POSTN: variants seen among roughly 807,000 people sequenced by gnomAD.
The protein encoded by POSTN is periostin.
Under a neutral mutation model 104.5 loss-of-function variants are expected in POSTN, and 71 were observed. The observed-to-expected ratio is 0.68, with a 90% CI of 0.56 to 0.83. The LOEUF (loss-of-function observed/expected upper bound fraction) is 0.83, where lower values mean the gene tolerates loss of function less well. POSTN is among the 40% of genes least tolerant of loss of function. The pLI is 0.00. For missense variants in POSTN, 949 were observed against 1,006.8 expected (o/e 0.94, Z 0.78); for synonymous variants, 355 against 340.7 (o/e 1.04, Z -0.46).
intron 21 of POSTN, among the ~76,000 whole-genome samples, chr13:37,568,452 A>T (rs1950175054): frequency 6.6e-6 from 1 of 152,108 alleles, no homozygotes; most frequent in Non-Finnish European, 1.5e-5. Flanking sequence ...TTGGATAAAC[A>T]TCAAACTTCA....
intron 11 of POSTN, 125 bp from the exon 12 acceptor site, chr13:37,580,116 A>G (rs1318131279): frequency 1.1e-6 from 1 of 877,934 alleles, no homozygotes; most frequent in Non-Finnish European, 1.7e-6. Flanking sequence ...ATACATTTTC[A>G]TATGTTTCGA....
At chr13:37,564,214 A>G (rs1593301053) in intron 22 of POSTN, among the ~76,000 whole-genome samples, 1 of 131,442 alleles carries the variant, frequency 7.6e-6, no homozygotes, top group Non-Finnish European at 1.6e-5. Context: ...ATATATATAT[A>G]TATATATATA....
rs202098967 is a variant in POSTN, at chr13:37,571,368, C to A, written c.2179+1G>T. 3.2e-5 allele frequency: 51 copies of A among 1,591,838 alleles called. No individual in the cohort carries two copies. The stretch of plus-strand genomic sequence containing the variant: ...GGCCCCAGGTAACATAAGGAACGCA[C>A]CTCCATGGATCACTTCAGTTATTGT... On this transcript the variant is annotated splice_donor_variant, in intron 18 of 22. Transcript: ENST00000379747. LOFTEE classifies it high-confidence loss of function.
At chr13:37,592,069 C>A in intron 3 of POSTN, 31 bp downstream of exon 3, 1 of 1,502,530 alleles carries the variant, frequency 6.7e-7, no homozygotes, top group South Asian at 1.1e-5. Flanking sequence ...GCATATAATT[C>A]CTTATTTAAT....
chr13:37,590,052 A>G (rs906056606), intron 4 of POSTN, among the ~76,000 whole-genome samples: 1 of 152,160 alleles, frequency 6.6e-6, no homozygotes, highest in Admixed American at 6.5e-5. Flanking sequence ...TCTGTTAGAC[A>G]TGTTATCTGA....
intron 9 of POSTN, among the ~76,000 whole-genome samples, chr13:37,583,302 A>G (rs1950652381): frequency 6.6e-6 from 1 of 152,132 alleles, no homozygotes; most frequent in East Asian, 1.9e-4. Flanking sequence ...TGCAAAACAC[A>G]CCTATTTATT....
chr13:37,574,733 T>A, intron 16 of POSTN, 81 bp from the exon 17 acceptor site: 1 of 1,451,134 alleles, frequency 6.9e-7, no homozygotes, highest in Non-Finnish European at 9.0e-7. Context: ...CCTTTTCTTT[T>A]TTGTCTCTGT....
At chr13:37,569,608 T>G (rs1191926196) in intron 20 of POSTN, 136 bp downstream of exon 20, 1 of 855,396 alleles carries the variant, frequency 1.2e-6, no homozygotes, top group Admixed American at 1.9e-5. Context: ...AATTCCTTAT[T>G]CTTGTGCTTT....
chr13:37,578,889 T>C lies in POSTN; in HGVS notation c.1917A>G (p.Gln639=), dbSNP rs1950496730. The C allele has an allele frequency of 6.3e-7, 1 of 1,596,160 alleles. No individual in the cohort carries two copies. The highest frequency in any genetic ancestry group is 8.5e-7 in the Non-Finnish European group (1 of 1,175,230). Residue 639 remains glutamine (Q), a synonymous_variant, in exon 15 of 23, where the codon CAA becomes CAG. Coordinates refer to ENST00000379747, the MANE Select transcript of POSTN (RefSeq NM_006475.3). ...TTAATTTATTAAGTATTTCCAGCAG[T>C]TGATCATTTCCAACAGGTGTGTCTA... is the stretch of plus-strand genomic sequence containing the variant. The part of the protein sequence containing the change: ...YPADTPVGND[Q]LLEILNKLIK...
At chr13:37,586,324 C>G in intron 6 of POSTN, 44 bp from the exon 7 acceptor site, 1 of 1,571,394 alleles carries the variant, frequency 6.4e-7, no homozygotes, top group Admixed American at 1.8e-5. Context: ...CATTGTAAAT[C>G]CAGAAAAAGA....
intron 21 of POSTN, chr13:37,565,332 G>C (rs1259433063): frequency 6.6e-6 from 1 of 151,770 alleles, no homozygotes; most frequent in African/African-American, 2.4e-5. Flanking sequence ...TTTTCATTCA[G>C]TTTTTGGGCA....
chr13:37,587,359 T>G (rs929816354), intron 5 of POSTN, among the ~76,000 whole-genome samples: 1 of 152,130 alleles, frequency 6.6e-6, no homozygotes, highest in Non-Finnish European at 1.5e-5. Flanking sequence ...TTCCTAAAAA[T>G]TGTTTCTTCA....
At chr13:37,595,012 G>GT (rs1261386093) in intron 2 of POSTN, among the ~76,000 whole-genome samples, 2 of 143,494 alleles carry the variant, frequency 1.4e-5, no homozygotes, top group African/African-American at 2.6e-5. Context: ...TACATTTCTG[G>GT]TTAAAAAAAA....
intron 6 of POSTN, among the ~76,000 whole-genome samples, 165 bp downstream of exon 6, chr13:37,586,617 A>G (rs536428643): frequency 6.6e-6 from 1 of 152,300 alleles, no homozygotes; most frequent in African/African-American, 2.4e-5. Flanking sequence ...AAATATTATT[A>G]TTTCATATGA....
chr13:37,585,002 A>T, intron 7 of POSTN, 74 bp from the exon 8 acceptor site: 8 of 1,560,764 alleles, frequency 5.1e-6, no homozygotes, highest in Non-Finnish European at 6.9e-6. Context: ...GATGTGTTTC[A>T]CTGTGGAACT....
chr13:37,577,390 A>C (rs1051908110), intron 16 of POSTN, among the ~76,000 whole-genome samples: 2 of 152,160 alleles, frequency 1.3e-5, no homozygotes, highest in Non-Finnish European at 2.9e-5. Context: ...GTGAACAACA[A>C]GTCTTGGCTA....
At position 37,579,006 on chromosome 13, in the gene POSTN, A is replaced by G; in HGVS notation, c.1894+13T>C. ...AAAGACTTAGCCTATCAATGAGTTC[A>G]ATAATTACAAACCTGCTGGATAGAG... On this transcript the variant is annotated intron_variant, in intron 14 of 22. Transcript: ENST00000379747. 3.1e-6 allele frequency: 5 copies of G among 1,610,824 alleles called. No homozygotes were observed. Among genetic ancestry groups the G allele is most frequent in the Non-Finnish European group, 4.2e-6 (5 of 1,178,678 alleles).
intron 8 of POSTN, 97 bp from the exon 9 acceptor site, chr13:37,584,200 T>C: frequency 6.9e-7 from 1 of 1,445,106 alleles, no homozygotes; most frequent in Admixed American, 1.9e-5. Context: ...TCTAATATTG[T>C]AAGCTATTTA....
At position 37,580,642 on chromosome 13, in the gene POSTN, C is replaced by T. The variant is rs1375937256; in HGVS notation, c.1448G>A (p.Gly483Asp). Reference sequence around the variant, plus strand: ...GATCTCGCGGAATATGTGAATCGCACCGTTTCTCCCTTGCTTACTCCCTTT... The same window carrying T: ...GATCTCGCGGAATATGTGAATCGCATCGTTTCTCCCTTGCTTACTCCCTTT... ...MEKGSKQGRN[G>D]AIHIFREIIK... Residue 483 changes from glycine to aspartate, a missense_variant, in exon 11 of 23, where the codon GGT becomes GAT. Gly to Asp is a moderately conservative substitution (Grantham distance 94, BLOSUM62 -1). Coordinates refer to ENST00000379747, the MANE Select transcript of POSTN (RefSeq NM_006475.3). 2 of 1,613,940 alleles carry T rather than the reference C, an allele frequency of 1.2e-6. No homozygotes were observed. Among genetic ancestry groups the T allele is most frequent in the East Asian group, 2.2e-5 (1 of 44,890 alleles).
Sources: allele counts gnomAD v4.1 joint callset (sites outside exome capture counted in the v4.1 genomes callset), GRCh38; gene constraint gnomAD v4.1.1; transcripts MANE v1.5; gene names NCBI Gene and HGNC (gene_info 2026-07-23, HGNC 2026-07-21).